Variants in TJP1 observed in about 807,000 individuals in gnomAD.
TJP1 encodes tight junction protein ZO-1.
Under a neutral mutation model 194.2 loss-of-function variants are expected in TJP1, and 43 were observed. The ratio of observed to expected loss-of-function variants is 0.22; its 90% CI spans 0.17 to 0.29. TJP1 has a LOEUF of 0.29. Among genes scored for constraint, TJP1 ranks in the 10% least tolerant of loss-of-function variants. TJP1 has a pLI of 1.00. For synonymous variants in TJP1, 801 were observed against 779.0 expected (o/e 1.03, Z -0.47); for missense variants, 1,971 against 2,185.7 (o/e 0.90, Z 1.96).
At chr15:29,744,092 T>A (rs923784382) in intron 8 of TJP1, among the ~76,000 whole-genome samples, 1 of 152,036 alleles carries the variant, frequency 6.6e-6, no homozygotes, top group African/African-American at 2.4e-5. Context: ...GGCAGGAGAA[T>A]CAATTGAACC....
intron 23 of TJP1, 54 bp downstream of exon 23, chr15:29,716,557 G>T: frequency 7.6e-7 from 1 of 1,309,580 alleles, no homozygotes; most frequent in Non-Finnish European, 1.1e-6. Flanking sequence ...ATATTGAACT[G>T]CACGGGATTA....
intron 8 of TJP1, among the ~76,000 whole-genome samples, chr15:29,756,448 T>C (rs1425411349): frequency 6.6e-6 from 1 of 152,214 alleles, no homozygotes; most frequent in Admixed American, 6.5e-5. Flanking sequence ...GTCTCTCTTA[T>C]AACTTCTTGA....
At chr15:29,709,143 G>A (rs1394280596) in intron 24 of TJP1, 107 bp from the exon 25 acceptor site, 9 of 1,056,776 alleles carry the variant, frequency 8.5e-6, no homozygotes, top group East Asian at 5.0e-5. Flanking sequence ...AATGTGGGTC[G>A]CACAGCCAGA....
At chr15:29,838,444 G>A (rs1440447727) in intron 2 of TJP1, among the ~76,000 whole-genome samples, 1 of 152,080 alleles carries the variant, frequency 6.6e-6, no homozygotes, top group Non-Finnish European at 1.5e-5. Flanking sequence ...AATAAAACAA[G>A]AAGTTGCAAA....
intron 4 of TJP1, among the ~76,000 whole-genome samples, chr15:29,771,663 G>T (rs1034219503): frequency 7.9e-5 from 12 of 152,040 alleles, no homozygotes; most frequent in Admixed American, 7.9e-4. Flanking sequence ...TAATTAGCCG[G>T]GCGTGGTGTC....
chr15:29,701,385 A>T lies in TJP1; in HGVS notation c.*210T>A. Reference sequence around the variant, plus strand: ...CTTTGAACCTCTAGCCAATACCAACAGTCCCGTCAATCACAAACATGCAGT... The same window carrying T: ...CTTTGAACCTCTAGCCAATACCAACTGTCCCGTCAATCACAAACATGCAGT... On this transcript the variant is annotated 3_prime_UTR_variant, in exon 28 of 28. Transcript: ENST00000614355. 4.4e-6 allele frequency: 2 copies of T among 452,644 alleles called. No individual in the cohort carries two copies. Among genetic ancestry groups the T allele is most frequent in the Non-Finnish European group, 7.9e-6 (2 of 254,230 alleles). 28.0% of individuals were successfully genotyped at this position (452,644 alleles called of 1,614,324 possible). A position where few individuals can be genotyped will look rare whatever the true frequency, so the allele number is the denominator to read the frequency against.
intron 3 of TJP1, 62 bp downstream of exon 3, chr15:29,773,171 C>T (rs2046801010): frequency 1.3e-6 from 2 of 1,594,626 alleles, no homozygotes; most frequent in African/African-American, 1.3e-5. Context: ...AGACAGTACG[C>T]CAGTGCCTGA....
At chr15:29,861,356 G>A (rs12437892) in intron 2 of TJP1, among the ~76,000 whole-genome samples, 25,571 of 152,104 alleles carry the variant, frequency 0.17, 2,655 homozygotes, top group South Asian at 0.23. Context: ...GACGTAAAGT[G>A]GTATCTCATT....
chr15:29,726,563 G>T, intron 17 of TJP1, 84 bp from the exon 18 acceptor site: 1 of 1,340,870 alleles, frequency 7.5e-7, no homozygotes, highest in Non-Finnish European at 1.1e-6. Context: ...CAGCTAAATC[G>T]TCATTACTGA....
At chr15:29,791,098 C>G (rs2048051993) in intron 2 of TJP1, among the ~76,000 whole-genome samples, 1 of 151,018 alleles carries the variant, frequency 6.6e-6, no homozygotes, top group South Asian at 2.1e-4. Context: ...GCGATTTCGG[C>G]TCACTGCAAT....
intron 2 of TJP1, among the ~76,000 whole-genome samples, chr15:29,859,953 G>A (rs550339808): frequency 2.6e-5 from 4 of 151,994 alleles, no homozygotes; most frequent in Non-Finnish European, 4.4e-5. Context: ...GGGAGAAAAG[G>A]AAAAAGGAGG....
At chr15:29,829,547 A>G (rs2050772959) in intron 2 of TJP1, among the ~76,000 whole-genome samples, 2 of 151,972 alleles carry the variant, frequency 1.3e-5, no homozygotes, top group Non-Finnish European at 2.9e-5. Context: ...CTCAAACACT[A>G]AGGGGAGAGT....
At chr15:29,937,353 T>C (rs896863642) in intron 2 of TJP1, among the ~76,000 whole-genome samples, 1 of 152,110 alleles carries the variant, frequency 6.6e-6, no homozygotes, top group African/African-American at 2.4e-5. Context: ...GCTTTCTCAT[T>C]TTATATCATT....
chr15:29,957,554 C>A (rs77388021), intron 1 of TJP1, among the ~76,000 whole-genome samples: 2,106 of 152,202 alleles, frequency 0.014, 60 homozygotes, highest in African/African-American at 0.048. Context: ...CTTAATATAT[C>A]TTAACGTTCT....
At chr15:29,724,556 T>G (rs1566901310) in intron 18 of TJP1, among the ~76,000 whole-genome samples, 1 of 152,198 alleles carries the variant, frequency 6.6e-6, no homozygotes, top group Non-Finnish European at 1.5e-5. Flanking sequence ...CTAGGAAATA[T>G]GTTAAGAAAG....
intron 2 of TJP1, among the ~76,000 whole-genome samples, chr15:29,855,398 C>T (rs1351779043): frequency 6.6e-6 from 1 of 152,044 alleles, no homozygotes; most frequent in East Asian, 1.9e-4. Flanking sequence ...CTAGTGAGAT[C>T]ACAACACAAA....
chr15:29,849,063 G>C (rs1486720394), intron 2 of TJP1, among the ~76,000 whole-genome samples: 1 of 151,652 alleles, frequency 6.6e-6, no homozygotes, highest in Non-Finnish European at 1.5e-5. Context: ...TTATAAACAA[G>C]AGAAAAAAAG....
intron 2 of TJP1, among the ~76,000 whole-genome samples, chr15:29,891,341 T>G (rs2053301144): frequency 1.3e-5 from 2 of 152,214 alleles, no homozygotes; most frequent in South Asian, 2.1e-4. Context: ...ATCGGAAACT[T>G]GACTCAGATC....
At position 29,709,426 on chromosome 15, in the gene TJP1, A is replaced by T. The variant is rs141775543; in HGVS notation, c.4373-390T>A. ...CACACCCACTAGAATGGAAAAACCGAAAAGTCTGATGATGCCAAACATTGG... is the reference window on the plus strand; with the variant it reads ...CACACCCACTAGAATGGAAAAACCGTAAAGTCTGATGATGCCAAACATTGG... On this transcript the variant is annotated intron_variant, in intron 24 of 27. Coordinates refer to ENST00000614355, the MANE Select transcript of TJP1 (RefSeq NM_001330239.4). Among the ~76,000 whole-genome samples, 318 of 152,360 alleles carry T rather than the reference A, an allele frequency of 2.1e-3. 1 individual carries two copies. Among genetic ancestry groups the T allele is most frequent in the African/African-American group, 7.2e-3 (301 of 41,592 alleles).
Sources: gnomAD v4.1 joint callset for allele counts (sites outside exome capture counted in the v4.1 genomes callset) on GRCh38, gnomAD v4.1.1 for gene constraint, MANE v1.5 for transcripts, NCBI Gene and HGNC (gene_info 2026-07-23, HGNC 2026-07-21) for gene names.